CLN8: variants seen among roughly 807,000 people sequenced by gnomAD.
CLN8 encodes protein CLN8.
CLN8 carries 14 observed loss-of-function variants against 15.7 expected under a neutral mutation model. The observed-to-expected ratio is 0.89, with a 90% CI of 0.59 to 1.39. The LOEUF is 1.39. Among genes scored for constraint, CLN8 ranks in the 40% most tolerant of loss-of-function variants. The probability of loss-of-function intolerance (pLI) is 0.00; values close to 1 mark genes in which losing one functional copy is unlikely to be tolerated. For synonymous variants in CLN8, 188 were observed against 151.0 expected, an observed-to-expected ratio of 1.25 and a Z score of -1.80; for missense variants, 415 against 364.0, an observed-to-expected ratio of 1.14 and a Z score of -1.14.
intron 1 of CLN8, among the ~76,000 whole-genome samples, chr8:1,765,573 C>T (rs1008157950): frequency 6.6e-6 from 1 of 152,066 alleles, no homozygotes; most frequent in Admixed American, 6.6e-5. Context: ...GTAAATAGCT[C>T]TTGTCAGGTT....
rs1264893525 is a variant in CLN8, at chr8:1,771,307, C to G, written c.253C>G (p.Leu85Val). The G allele has an allele frequency of 6.2e-7, 1 of 1,614,210 alleles. No homozygotes were observed. Residue 85 changes from leucine to valine, a missense_variant, in exon 2 of 3, where the codon CTG becomes GTG. Transcript: ENST00000331222. ...GAGCACAGCCGCAGGCCTGTGGGCT[C>G]TGCTGGGGGACCCTGTGCTGCATGC... ...VQSTAAGLWA[L>V]LGDPVLHADK... is the part of the protein sequence containing the mutation.
intron 1 of CLN8, among the ~76,000 whole-genome samples, chr8:1,757,778 T>C (rs1800706057): frequency 6.6e-6 from 1 of 152,182 alleles, no homozygotes; most frequent in Admixed American, 6.5e-5. Context: ...GGCTGGTTGT[T>C]ATGCCAATGG....
At chr8:1,766,346 T>G (rs2130972946) in intron 1 of CLN8, among the ~76,000 whole-genome samples, 1 of 151,670 alleles carries the variant, frequency 6.6e-6, no homozygotes, top group African/African-American at 2.4e-5. Context: ...CCTTCCAGAA[T>G]GAAAGAACCA....
intron 1 of CLN8, among the ~76,000 whole-genome samples, chr8:1,766,564 T>G (rs1413823772): frequency 6.6e-6 from 1 of 151,984 alleles, no homozygotes; most frequent in Non-Finnish European, 1.5e-5. Flanking sequence ...TATTTTTTTT[T>G]TGTATTTTAG....
chr8:1,763,399 GCCCCGCCCCC>G (rs1800865068), upstream of CLN8: 1 of 33,762 alleles, frequency 3.0e-5, no homozygotes, highest in Non-Finnish European at 5.8e-5. Flanking sequence ...GCCGCGCCGC[GCCCCGCCCCC>G]CGCCGCGCCC....
chr8:1,777,156 C>CA (rs1470267788), intron 2 of CLN8, among the ~76,000 whole-genome samples: 3 of 152,194 alleles, frequency 2.0e-5, no homozygotes. Flanking sequence ...CATACCTGTA[C>CA]AGCATATGGC....
chr8:1,760,720 T>A (rs963692999), upstream of CLN8, among the ~76,000 whole-genome samples: 1 of 152,100 alleles, frequency 6.6e-6, no homozygotes, highest in African/African-American at 2.4e-5. Context: ...GAGAAAGGGG[T>A]CCAGTCCAGA....
rs1287105581 is a variant in CLN8, at chr8:1,781,415, T to G, written c.*848T>G. ...TAGACCGAAGTGTACGGCAGTGCCA[T>G]CTGGTGGCAAGTGGTACAAAGACAA... On this transcript the variant is annotated 3_prime_UTR_variant, in exon 3 of 3. Coordinates refer to ENST00000331222, the MANE Select transcript of CLN8 (RefSeq NM_018941.4). 1.3e-5 allele frequency: 1 copy of G among 79,410 alleles called. No individual in the cohort carries two copies. Among genetic ancestry groups the G allele is most frequent in the Non-Finnish European group, 2.8e-5 (1 of 35,776 alleles). The allele number at this position is 79,410 out of a possible 1,614,324, so 4.9% of individuals were successfully genotyped here. A position where few individuals can be genotyped will look rare whatever the true frequency, so the allele number is the denominator to read the frequency against.
At position 1,780,762 on chromosome 8, in the gene CLN8, ACTGT is replaced by A; in HGVS notation, c.*199_*202del. 6 of 639,400 alleles carry A rather than the reference ACTGT, an allele frequency of 9.4e-6. No homozygotes were observed. The highest frequency in any genetic ancestry group is 1.6e-5 in the Non-Finnish European group (6 of 375,234). The allele number at this position is 639,400 out of a possible 1,614,324, so 39.6% of individuals were successfully genotyped here. A position where few individuals can be genotyped will look rare whatever the true frequency, so the allele number is the denominator to read the frequency against. On this transcript the variant is annotated 3_prime_UTR_variant, in exon 3 of 3. Transcript: ENST00000331222. ...ATTTTTAAGAAATTATAATTTTATG[ACTGT>A]CTGGCAGGCTCTGTCAGTTTAGCCG...
At chr8:1,758,788 A>T (rs1222956643), upstream of CLN8, 2 of 152,292 alleles carry the variant, frequency 1.3e-5, no homozygotes, top group Admixed American at 1.3e-4. Context: ...ATGAATAGAA[A>T]GGATTGTCTG....
At chr8:1,767,072 T>TG (rs1489336122) in intron 1 of CLN8, among the ~76,000 whole-genome samples, 1 of 152,240 alleles carries the variant, frequency 6.6e-6, no homozygotes, top group East Asian at 1.9e-4. Context: ...ATCCTGCCTC[T>TG]GGGACTGGCC....
In CLN8 at chr8:1,782,306, G is replaced by C. The variant is rs935725111; in HGVS notation, c.*1739G>C. On this transcript the variant is annotated 3_prime_UTR_variant, in exon 3 of 3. Transcript: ENST00000331222. ...ATTACAGGTACCTCTACCATGCCTGGCTGATTTTTTGTATTTTTAGTAGAG... is the reference window on the plus strand; with the variant it reads ...ATTACAGGTACCTCTACCATGCCTGCCTGATTTTTTGTATTTTTAGTAGAG... 1 of 151,940 alleles carries C rather than the reference G, an allele frequency of 6.6e-6. No individual in the cohort carries two copies. The highest frequency in any genetic ancestry group is 1.5e-5 in the Non-Finnish European group (1 of 68,016). 9.4% of individuals were successfully genotyped at this position (151,940 alleles called of 1,614,324 possible).
At position 1,771,384 on chromosome 8, in the gene CLN8, A is replaced by G. The variant is rs2130991797; in HGVS notation, c.330A>G (p.Ala110=). 8 of 1,614,198 alleles carry G rather than the reference A, an allele frequency of 5.0e-6. No individual in the cohort carries two copies. The highest frequency in any genetic ancestry group is 5.9e-6 in the Non-Finnish European group (7 of 1,180,034). The change falls in exon 2 of 3, where the codon GCA becomes GCG. Residue 110 remains alanine (A), a synonymous_variant. Transcript: ENST00000331222. ...GGTGCTGGTTTCACATCACGACAGC[A>G]ACGGGATTCTTTTGCTTTGAAAATG... The part of the protein sequence containing the change: ...QNWCWFHITT[A]TGFFCFENVA...
rs755846977 is a variant in CLN8, at chr8:1,771,131, C to G, written c.77C>G (p.Thr26Arg). ...TATGCATCCTGGGGGATCCGCTCCA[C>G]GCTGATGGTCGCTGGCTTTGTCTTC... ...LDYASWGIRS[T>R]LMVAGFVFYL... Residue 26 changes from threonine to arginine, a missense_variant, in exon 2 of 3, where the codon ACG (threonine) becomes AGG (arginine). By Grantham distance (71) the Thr-to-Arg change is moderately conservative. Coordinates refer to ENST00000331222, the MANE Select transcript of CLN8 (RefSeq NM_018941.4). 1.1e-5 allele frequency: 17 copies of G among 1,613,922 alleles called. No individual in the cohort carries two copies. The highest frequency in any genetic ancestry group is 4.4e-5 in the South Asian group (4 of 91,078).
rs961439738 is a variant in CLN8 at position 1,785,248 on chromosome 8, C to G, written c.*4681C>G. The G allele has an allele frequency of 1.1e-5, 2 of 184,600 alleles. No homozygotes were observed. The highest frequency in any genetic ancestry group is 1.6e-4 in the East Asian group (1 of 6,240). 11.4% of individuals were successfully genotyped at this position (184,600 alleles called of 1,614,324 possible). A position where few individuals can be genotyped will look rare whatever the true frequency, so the allele number is the denominator to read the frequency against. ...TCCTGGGTGCTCCTTTGTGCTCTGT[C>G]CTACGGTGACACAGGCGGCGTGGGG... On this transcript the variant is annotated 3_prime_UTR_variant, in exon 3 of 3. Coordinates refer to ENST00000331222, the MANE Select transcript of CLN8 (RefSeq NM_018941.4).
chr8:1,769,517 C>T (rs1801214946), intron 1 of CLN8, among the ~76,000 whole-genome samples: 3 of 152,100 alleles, frequency 2.0e-5, no homozygotes, highest in African/African-American at 7.2e-5. Context: ...TGACAAGAGT[C>T]CCCACTCCCT....
At chr8:1,773,290 T>A (rs1801385754) in intron 2 of CLN8, among the ~76,000 whole-genome samples, 1 of 152,108 alleles carries the variant, frequency 6.6e-6, no homozygotes, top group African/African-American at 2.4e-5. Flanking sequence ...GGCACAGTCG[T>A]CGCCAGTACA....
chr8:1,780,369 C>G lies in CLN8; in HGVS notation c.663C>G (p.Gly221=). Residue 221 remains glycine (G), a synonymous_variant, in exon 3 of 3, where the codon GGC becomes GGG. Transcript: ENST00000331222. ...GGGTGTGTTTCTGGCACTGGGACGG[C>G]CTGGTCAGCAGCCTGTATCTGCCTC... ...MWWVCFWHWD[G]LVSSLYLPHL... is the part of the protein sequence containing the mutation. 2 of 1,614,242 alleles carry G rather than the reference C, an allele frequency of 1.2e-6. No homozygotes were observed. Among genetic ancestry groups the G allele is most frequent in the South Asian group, 2.2e-5 (2 of 91,092 alleles).
intron 2 of CLN8, chr8:1,779,847 C>T (rs1157826674): frequency 9.2e-6 from 5 of 543,624 alleles, no homozygotes; most frequent in South Asian, 7.9e-5. Flanking sequence ...TTCCCAGGGT[C>T]TAGGTATGGG....
Sources: allele counts gnomAD v4.1 joint callset (sites outside exome capture counted in the v4.1 genomes callset), GRCh38; gene constraint gnomAD v4.1.1; transcripts MANE v1.5; gene names NCBI Gene and HGNC (gene_info 2026-07-23, HGNC 2026-07-21).